The following CPEB3 variants were observed in gnomAD, a reference collection of about 807,000 sequenced individuals.
CPEB3 encodes cytoplasmic polyadenylation element binding protein 3.
Under a neutral mutation model 67.2 loss-of-function variants are expected in CPEB3, and 20 were observed. That is an observed-to-expected ratio of 0.30 (90% CI 0.21 to 0.43). The LOEUF (loss-of-function observed/expected upper bound fraction) is 0.43, where lower values mean the gene tolerates loss of function less well. CPEB3 is among the 20% of genes least tolerant of loss of function. The probability of loss-of-function intolerance (pLI) is 1.00; values close to 1 mark genes in which losing one functional copy is unlikely to be tolerated. For synonymous variants in CPEB3, 376 were observed against 393.1 expected (o/e 0.96, Z 0.51); for missense variants, 746 against 968.6 (o/e 0.77, Z 3.05).
At chr10:92,267,144 T>C (rs1277822012) in intron 1 of CPEB3, among the ~76,000 whole-genome samples, 1 of 152,140 alleles carries the variant, frequency 6.6e-6, no homozygotes, top group African/African-American at 2.4e-5. Context: ...GAACAATTAA[T>C]GTGAAAATCC....
At chr10:92,248,546 A>T (rs943246067) in intron 1 of CPEB3, among the ~76,000 whole-genome samples, 1 of 152,238 alleles carries the variant, frequency 6.6e-6, no homozygotes, top group Non-Finnish European at 1.5e-5. Flanking sequence ...ATATACGGAT[A>T]AATGGATGGA....
intron 1 of CPEB3, among the ~76,000 whole-genome samples, chr10:92,268,691 T>C (rs1029548357): frequency 1.3e-5 from 2 of 152,168 alleles, no homozygotes; most frequent in Non-Finnish European, 2.9e-5. Flanking sequence ...ATTTTTGAAA[T>C]TTCATTGAGT....
rs754964540 is a variant in CPEB3 at position 92,132,363 on chromosome 10, T to C, written c.1453+10666A>G. 1.1e-4 allele frequency among the ~76,000 whole-genome samples: 17 copies of C among 152,154 alleles called. 1 individual carries two copies. Among genetic ancestry groups the C allele is most frequent in the Non-Finnish European group, 2.4e-4 (16 of 68,008 alleles). On this transcript the variant is annotated intron_variant, in intron 6 of 9. Transcript: ENST00000265997. ...GATCCTTTCTCATGCCTTACTCCAA[T>C]ATAAATTCCAGACCAAAACAAGATG...
intron 6 of CPEB3, chr10:92,118,846 C>A: frequency 1.3e-6 from 1 of 784,252 alleles, no homozygotes; most frequent in Non-Finnish European, 2.3e-6. Context: ...GGTCTCTTCC[C>A]ATGGCAATGG....
intron 4 of CPEB3, among the ~76,000 whole-genome samples, chr10:92,153,398 A>C (rs978128561): frequency 1.3e-5 from 2 of 152,244 alleles, no homozygotes; most frequent in African/African-American, 4.8e-5. Context: ...CAGTAACTCT[A>C]ATCATTCTTT....
Position 92,181,035 on chromosome 10 carries a change from A to G in CPEB3, c.1166-16T>C. The G allele has an allele frequency of 7.2e-7, 1 of 1,393,890 alleles. No homozygotes were observed. 86.3% of individuals were successfully genotyped at this position (1,393,890 alleles called of 1,614,324 possible). ...CCCATGCGTCCTAAAAAATAAAATA[A>G]TTTTAAGCAAAAAGAATGTTTAATG... On this transcript the variant is annotated splice_polypyrimidine_tract_variant and intron_variant, in intron 3 of 9. Transcript: ENST00000265997.
At chr10:92,261,009 C>A (rs917521741) in intron 1 of CPEB3, among the ~76,000 whole-genome samples, 26 of 152,182 alleles carry the variant, frequency 1.7e-4, no homozygotes, top group African/African-American at 5.8e-4. Flanking sequence ...ATGAAAAAAA[C>A]CTTTGTTTGC....
chr10:92,153,403 T>C (rs1847055469), intron 4 of CPEB3, among the ~76,000 whole-genome samples: 1 of 152,254 alleles, frequency 6.6e-6, no homozygotes, highest in Non-Finnish European at 1.5e-5. Context: ...ACTCTAATCA[T>C]TCTTTGTATT....
intron 6 of CPEB3, chr10:92,136,894 C>T (rs775577002): frequency 2.7e-4 from 44 of 160,512 alleles, no homozygotes; most frequent in Non-Finnish European, 4.4e-4. Flanking sequence ...ACAATGGTCC[C>T]GATGAGATGG....
At chr10:92,091,718 T>C (rs1010786746) in intron 8 of CPEB3, 112 bp downstream of exon 8, 2 of 606,576 alleles carry the variant, frequency 3.3e-6, no homozygotes, top group African/African-American at 1.9e-5. Context: ...ACAGCCTTCT[T>C]TTTGGAGACT....
At chr10:92,281,263 G>A (rs1024079345) in intron 1 of CPEB3, among the ~76,000 whole-genome samples, 4 of 151,352 alleles carry the variant, frequency 2.6e-5, no homozygotes, top group Admixed American at 6.6e-5. Flanking sequence ...GGGCGGGGGT[G>A]CAGGAGGGGT....
At chr10:92,113,296 C>T (rs918356573) in intron 6 of CPEB3, among the ~76,000 whole-genome samples, 1 of 152,228 alleles carries the variant, frequency 6.6e-6, no homozygotes, top group Non-Finnish European at 1.5e-5. Context: ...TTCATATCCT[C>T]TTTTGCAAAC....
intron 2 of CPEB3, among the ~76,000 whole-genome samples, chr10:92,225,262 C>T (rs761785598): frequency 8.6e-5 from 13 of 151,960 alleles, no homozygotes; most frequent in Non-Finnish European, 1.6e-4. Context: ...CGTGAGCCAC[C>T]GCGCCCAGCC....
chr10:92,207,346 TAAGAC>T (rs1046685354), intron 2 of CPEB3, among the ~76,000 whole-genome samples: 1 of 152,060 alleles, frequency 6.6e-6, no homozygotes, highest in Non-Finnish European at 1.5e-5. Flanking sequence ...AAGATAATGG[TAAGAC>T]AATAGGAGAA....
At chr10:92,279,284 C>A (rs1013838917) in intron 1 of CPEB3, among the ~76,000 whole-genome samples, 1 of 152,190 alleles carries the variant, frequency 6.6e-6, no homozygotes, top group Non-Finnish European at 1.5e-5. Context: ...GATCAGTGAA[C>A]ACCCTGGCTT....
chr10:92,106,307 G>A (rs1297514641), intron 7 of CPEB3, among the ~76,000 whole-genome samples: 5 of 148,622 alleles, frequency 3.4e-5, no homozygotes, highest in East Asian at 2.0e-4. Context: ...CTCACAGTAC[G>A]TTCTGGTTCA....
chr10:92,289,018 G>C (rs1187903759), intron 1 of CPEB3, among the ~76,000 whole-genome samples: 1 of 152,176 alleles, frequency 6.6e-6, no homozygotes, highest in Non-Finnish European at 1.5e-5. Context: ...GGCCGAGGCA[G>C]GCAGATCACC....
At chr10:92,090,498 TG>T (rs1331449165) in intron 8 of CPEB3, among the ~76,000 whole-genome samples, 2 of 152,152 alleles carry the variant, frequency 1.3e-5, no homozygotes, top group East Asian at 3.9e-4. Flanking sequence ...GCCGAGATCA[TG>T]CCACTGCACT....
chr10:92,073,276 T>A (rs1021997898), intron 9 of CPEB3, among the ~76,000 whole-genome samples: 2 of 149,882 alleles, frequency 1.3e-5, no homozygotes, highest in African/African-American at 4.9e-5. Context: ...TGGCCTCAAG[T>A]GATCCTTCCA....
Sources: allele counts gnomAD v4.1 joint callset (sites outside exome capture counted in the v4.1 genomes callset), GRCh38; gene constraint gnomAD v4.1.1; transcripts MANE v1.5; gene names NCBI Gene and HGNC (gene_info 2026-07-23, HGNC 2026-07-21).